The following EPAS1 variants were observed in gnomAD, a reference collection of about 807,000 sequenced individuals.
The protein encoded by EPAS1 is endothelial PAS domain protein 1.
A neutral mutation model predicts 87.9 loss-of-function variants in EPAS1; 23 were observed. The ratio of observed to expected loss-of-function variants is 0.26; its 90% CI spans 0.19 to 0.37. The LOEUF is 0.37. Among genes scored for constraint, EPAS1 ranks in the 10% least tolerant of loss-of-function variants. The pLI, the probability that EPAS1 is intolerant of heterozygous loss-of-function variation, is 1.00. For synonymous variants in EPAS1, 508 were observed against 444.3 expected, an observed-to-expected ratio of 1.14 and a Z score of -1.80; for missense variants, 1,138 against 1,120.7, an observed-to-expected ratio of 1.02 and a Z score of -0.22.
chr2:46,348,876 G>A (rs1684087537), intron 2 of EPAS1, among the ~76,000 whole-genome samples: 1 of 152,196 alleles, frequency 6.6e-6, no homozygotes, highest in African/African-American at 2.4e-5. Context: ...CAGGTTTTCA[G>A]ATTAGGGACA....
At chr2:46,355,518 C>T (rs1684252156) in intron 2 of EPAS1, among the ~76,000 whole-genome samples, 1 of 152,200 alleles carries the variant, frequency 6.6e-6, no homozygotes, top group African/African-American at 2.4e-5. Context: ...AGAATAGTAG[C>T]TACCTCGTCG....
chr2:46,335,896 C>T (rs1490910577), intron 1 of EPAS1: 1 of 152,168 alleles, frequency 6.6e-6, no homozygotes, highest in African/African-American at 2.4e-5. Context: ...GTTAGAACAG[C>T]CCCATTCAGA....
intron 1 of EPAS1, among the ~76,000 whole-genome samples, chr2:46,345,481 CCA>C (rs1684005410): frequency 6.6e-6 from 1 of 152,054 alleles, no homozygotes; most frequent in Non-Finnish European, 1.5e-5. Flanking sequence ...ATTCTGGGGC[CCA>C]CCTTCCCAGT....
At chr2:46,377,018 G>A (rs1182988747) in intron 9 of EPAS1, among the ~76,000 whole-genome samples, 2 of 152,168 alleles carry the variant, frequency 1.3e-5, no homozygotes, top group African/African-American at 4.8e-5. Context: ...CCTGAGGGTC[G>A]ATTCTCCACC....
At chr2:46,299,353 G>A (rs1476832597) in intron 1 of EPAS1, among the ~76,000 whole-genome samples, 1 of 152,112 alleles carries the variant, frequency 6.6e-6, no homozygotes, top group Non-Finnish European at 1.5e-5. Flanking sequence ...CCCCTTTCTC[G>A]TCACCGTCGC....
In EPAS1 at chr2:46,382,532, T is replaced by A. The variant is rs756915899; in HGVS notation, c.2395T>A (p.Phe799Ile). Residue 799 changes from phenylalanine (F) to isoleucine (I), a missense_variant, in exon 15 of 16, where the codon TTC becomes ATC. Around this residue, in one of 4 missense-constraint regions of EPAS1, gnomAD observed 502 missense variants for 427.1 expected, o/e 1.18. Transcript: ENST00000263734. ...ISPGENSKSR[F>I]PPQCYATQYQ... ...TCCCGGGGAGAACAGCAAGAGCAGGTTCCCCCCACAGTGCTACGCCACCCA... is the reference window on the plus strand; with the variant it reads ...TCCCGGGGAGAACAGCAAGAGCAGGATCCCCCCACAGTGCTACGCCACCCA... 5 of 1,614,092 alleles carry A rather than the reference T, an allele frequency of 3.1e-6. No homozygotes were observed. The highest frequency in any genetic ancestry group is 4.2e-6 in the Non-Finnish European group (5 of 1,180,030).
Position 46,347,176 on chromosome 2 carries a change from T to G in EPAS1, c.217+113T>G. The G allele has an allele frequency of 8.6e-7, 1 of 1,160,486 alleles. No individual in the cohort carries two copies. Among genetic ancestry groups the G allele is most frequent in the African/African-American group, 1.5e-5 (1 of 66,366 alleles). 71.9% of individuals were successfully genotyped at this position (1,160,486 alleles called of 1,614,324 possible). A position where few individuals can be genotyped will look rare whatever the true frequency, so the allele number is the denominator to read the frequency against. ...TGGAAAGTCACCCCACTACAGAACT[T>G]TCACCCACAGAAACACCATCATGAG... On this transcript the variant is annotated intron_variant, in intron 2 of 15. Transcript: ENST00000263734. This position sits in a 1 kb window ranked among gnomAD's most constrained non-coding sequence, Gnocchi z 4.2.
intron 1 of EPAS1, among the ~76,000 whole-genome samples, chr2:46,308,173 G>C (rs1386073497): frequency 6.6e-6 from 1 of 152,084 alleles, no homozygotes; most frequent in Admixed American, 6.5e-5. Context: ...CCTCCATCTG[G>C]ATGCTTTTCC....
intron 1 of EPAS1, among the ~76,000 whole-genome samples, chr2:46,342,582 A>G (rs933637830): frequency 6.6e-6 from 1 of 152,154 alleles, no homozygotes; most frequent in African/African-American, 2.4e-5. Flanking sequence ...CTAAAAGTCT[A>G]GCTAATTAGG....
At chr2:46,299,789 C>T (rs1310055900) in intron 1 of EPAS1, among the ~76,000 whole-genome samples, 1 of 152,192 alleles carries the variant, frequency 6.6e-6, no homozygotes, top group African/African-American at 2.4e-5. Context: ...TCGACACACC[C>T]AGCTACAGTA....
intron 1 of EPAS1, among the ~76,000 whole-genome samples, chr2:46,319,193 C>G (rs889687827): frequency 6.6e-6 from 1 of 152,212 alleles, no homozygotes; most frequent in Non-Finnish European, 1.5e-5. Flanking sequence ...CACTTGATTA[C>G]ATAGGAAGAG....
Position 46,371,288 on chromosome 2 carries a change from A to C in EPAS1, c.886+1355A>C, listed in dbSNP as rs1259704690. 6.6e-6 allele frequency among the ~76,000 whole-genome samples: 1 copy of C among 152,220 alleles called. No homozygotes were observed. Among genetic ancestry groups the C allele is most frequent in the East Asian group, 1.9e-4 (1 of 5,194 alleles). On this transcript the variant is annotated intron_variant, in intron 7 of 15. Transcript: ENST00000263734. The surrounding 1 kb of genome is among the most constrained non-coding windows in gnomAD (Gnocchi z 4.3). ...CAGCCAAGTTCAGTGCAGCCAGCAGAGTCACAACCCCGCAAGCTGTATGTG... is the reference window on the plus strand; with the variant it reads ...CAGCCAAGTTCAGTGCAGCCAGCAGCGTCACAACCCCGCAAGCTGTATGTG...
intron 2 of EPAS1, among the ~76,000 whole-genome samples, chr2:46,352,632 G>T (rs1275796564): frequency 6.6e-6 from 1 of 152,140 alleles, no homozygotes; most frequent in Non-Finnish European, 1.5e-5. Context: ...TTCACTCTCA[G>T]CTCCAAGCTG....
At position 46,300,473 on chromosome 2, in the gene EPAS1, A is replaced by G. The variant is rs1682975027; in HGVS notation, c.26+2536A>G. 6.6e-6 allele frequency among the ~76,000 whole-genome samples: 1 copy of G among 152,202 alleles called. No individual in the cohort carries two copies. Among genetic ancestry groups the G allele is most frequent in the African/African-American group, 2.4e-5 (1 of 41,434 alleles). ...TAAATATGTTAATGTTTAATAATAAAGAGTTTGCTTTCTAAATGTTAGTTG... is the reference window on the plus strand; with the variant it reads ...TAAATATGTTAATGTTTAATAATAAGGAGTTTGCTTTCTAAATGTTAGTTG... On this transcript the variant is annotated intron_variant, in intron 1 of 15. Transcript: ENST00000263734. The surrounding 1 kb of genome is among the most constrained non-coding windows in gnomAD (Gnocchi z 4.1).
Position 46,382,060 on chromosome 2 carries a change from A to G in EPAS1, c.2258A>G (p.Asp753Gly). ...GGTGGGAGCTGCCCTTTGATGCCGGACAAGCCACTGAGCGCAAATGTACCC... is the reference window on the plus strand; with the variant it reads ...GGTGGGAGCTGCCCTTTGATGCCGGGCAAGCCACTGAGCGCAAATGTACCC... Reference protein sequence around the residue: ...LRGGSCPLMPDKPLSANVPND... With the variant: ...LRGGSCPLMPGKPLSANVPND... Residue 753 changes from aspartate (D) to glycine (G), a missense_variant, in exon 14 of 16, where the codon GAC becomes GGC. Asp to Gly is a moderately conservative substitution (Grantham distance 94). Coordinates refer to ENST00000263734, the MANE Select transcript of EPAS1 (RefSeq NM_001430.5). 1 of 1,613,732 alleles carries G rather than the reference A, an allele frequency of 6.2e-7. No homozygotes were observed. Among genetic ancestry groups the G allele is most frequent in the Non-Finnish European group, 8.5e-7 (1 of 1,179,986 alleles).
chr2:46,325,105 G>A (rs889919858), intron 1 of EPAS1, among the ~76,000 whole-genome samples: 6 of 152,254 alleles, frequency 3.9e-5, no homozygotes, highest in African/African-American at 1.2e-4. Flanking sequence ...AGGACCCTGG[G>A]AGGAATCCAC....
chr2:46,302,118 C>CTGTGTGTGTGTG (rs35880089), intron 1 of EPAS1, among the ~76,000 whole-genome samples: 16 of 127,642 alleles, frequency 1.3e-4, no homozygotes, highest in South Asian at 2.8e-4. Context: ...CTCTTTCTCT[C>CTGTGTGTGTGTG]TGTGTGTGTG....
rs1190375517 is a variant in EPAS1, at chr2:46,366,681, T to C, written c.780-3146T>C. The stretch of plus-strand genomic sequence containing the variant: ...TTTACGGGTGACCTCAAACTGATTT[T>C]CTTTTTCCCAGTGAGTCAGGGGTCC... On this transcript the variant is annotated intron_variant, in intron 6 of 15. Transcript: ENST00000263734. Among the ~76,000 whole-genome samples, 3 of 152,232 alleles carry C rather than the reference T, an allele frequency of 2.0e-5. No individual in the cohort carries two copies. In the East Asian group the frequency reaches 5.8e-4, roughly 29 times the overall value.
rs202032006 is a variant in EPAS1 at position 46,380,202 on chromosome 2, C to G, written c.1555-25C>G. 2 of 1,605,116 alleles carry G rather than the reference C, an allele frequency of 1.2e-6. No homozygotes were observed. Among genetic ancestry groups the G allele is most frequent in the Non-Finnish European group, 1.7e-6 (2 of 1,179,962 alleles). ...TGAGGTCGTACCAACCCCCTTGCCT[C>G]TTTGCCGGTGCTGTCTCCCCTCAGA... On this transcript the variant is annotated intron_variant, in intron 11 of 15. Coordinates refer to ENST00000263734, the MANE Select transcript of EPAS1 (RefSeq NM_001430.5). The surrounding 1 kb of genome is among the most constrained non-coding windows in gnomAD (Gnocchi z 4.4).
Sources: gnomAD v4.1 joint callset for allele counts (sites outside exome capture counted in the v4.1 genomes callset) on GRCh38, gnomAD v4.1.1 for gene constraint, gnomAD v4.1.1 regional missense constraint, Gnocchi (gnomAD v3.1) non-coding constraint, MANE v1.5 for transcripts, NCBI Gene and HGNC (gene_info 2026-07-23, HGNC 2026-07-21) for gene names.